FZR1: variants seen among roughly 807,000 people sequenced by gnomAD.
FZR1 encodes fizzy-related protein homolog.
FZR1 carries 11 observed loss-of-function variants against 63.6 expected under a neutral mutation model. The observed-to-expected ratio is 0.17, with a 90% CI of 0.11 to 0.29. The LOEUF (loss-of-function observed/expected upper bound fraction) is 0.29, where lower values mean the gene tolerates loss of function less well. FZR1 is among the 10% of genes least tolerant of loss of function. The probability of loss-of-function intolerance (pLI) is 1.00; values close to 1 mark genes in which losing one functional copy is unlikely to be tolerated. For synonymous variants in FZR1, 328 were observed against 297.9 expected, an observed-to-expected ratio of 1.10 and a Z score of -1.04; for missense variants, 440 against 687.5, an observed-to-expected ratio of 0.64 and a Z score of 4.03.
At chr19:3,509,555 C>T (rs56120989) in intron 1 of FZR1, among the ~76,000 whole-genome samples, 33,738 of 152,154 alleles carry the variant, frequency 0.22, 4,640 homozygotes, top group African/African-American at 0.38. Context: ...TTCACAGGCT[C>T]GGGCCGCCAT....
At position 3,534,843 on chromosome 19, in the gene FZR1, C is replaced by T. The variant is rs182941833; in HGVS notation, c.*7C>T. Reference sequence around the variant, plus strand: ...CTTCACCAGGATCCGGTAAACCTGCCGGGCAGGACCGTGCCACACCAGCTG... The same window carrying T: ...CTTCACCAGGATCCGGTAAACCTGCTGGGCAGGACCGTGCCACACCAGCTG... On this transcript the variant is annotated 3_prime_UTR_variant, in exon 14 of 14. Transcript: ENST00000441788. 6.6e-5 allele frequency: 107 copies of T among 1,610,338 alleles called. No individual in the cohort carries two copies. The African/African-American group carries it at 1.1e-3, about 17-fold the overall frequency.
chr19:3,523,326 A>G (rs1045982412), intron 2 of FZR1, among the ~76,000 whole-genome samples: 1 of 152,244 alleles, frequency 6.6e-6, no homozygotes, highest in African/African-American at 2.4e-5. Context: ...GGGCAGAGGC[A>G]CAGGGTGGCC....
intron 1 of FZR1, among the ~76,000 whole-genome samples, chr19:3,519,878 G>A (rs986818011): frequency 1.3e-5 from 2 of 152,062 alleles, no homozygotes; most frequent in African/African-American, 2.4e-5. Flanking sequence ...GTCCCGGGGG[G>A]CCCCACACCC....
intron 6 of FZR1, among the ~76,000 whole-genome samples, chr19:3,527,373 G>A (rs1235751034): frequency 2.0e-5 from 3 of 152,362 alleles, no homozygotes; most frequent in South Asian, 4.1e-4. Flanking sequence ...CAAGGGGCAG[G>A]GTAGTCAGGA....
At position 3,515,791 on chromosome 19, in the gene FZR1, A is replaced by G. The variant is rs2083054863; in HGVS notation, c.-34-7165A>G. Reference sequence around the variant, plus strand: ...TAAAAAAAAAAAAAAAAGGAATTCAAGAAGTACAAAACGAGGTGCCAGGAG... The same window carrying G: ...TAAAAAAAAAAAAAAAAGGAATTCAGGAAGTACAAAACGAGGTGCCAGGAG... On this transcript the variant is annotated intron_variant, in intron 1 of 13. Transcript: ENST00000441788. The surrounding 1 kb of genome is among the most constrained non-coding windows in gnomAD (Gnocchi z 4.6). Among the ~76,000 whole-genome samples, 1 of 150,638 alleles carries G rather than the reference A, an allele frequency of 6.6e-6. No individual in the cohort carries two copies. Among genetic ancestry groups the G allele is most frequent in the Non-Finnish European group, 1.5e-5 (1 of 67,792 alleles).
rs975184646 is a variant in FZR1 at position 3,520,787 on chromosome 19, C to T, written c.-34-2169C>T. Reference sequence around the variant, plus strand: ...TGGAGGTGGCAATCAGGCCAACCGCCTCAGTATCTCAGGACAGAGTGGTGC... The same window carrying T: ...TGGAGGTGGCAATCAGGCCAACCGCTTCAGTATCTCAGGACAGAGTGGTGC... On this transcript the variant is annotated intron_variant, in intron 1 of 13. Transcript: ENST00000441788. Among the ~76,000 whole-genome samples, 6 of 152,244 alleles carry T rather than the reference C, an allele frequency of 3.9e-5. No homozygotes were observed. The East Asian group carries it at 7.7e-4, about 20-fold the overall frequency.
In FZR1 at chr19:3,533,254, G is replaced by C; in HGVS notation, c.1243-40G>C. 3.1e-6 allele frequency: 4 copies of C among 1,276,104 alleles called. No individual in the cohort carries two copies. The highest frequency in any genetic ancestry group is 4.6e-6 in the Non-Finnish European group (4 of 875,564). The allele number at this position is 1,276,104 out of a possible 1,614,324, so 79.0% of individuals were successfully genotyped here. Reference sequence around the variant, plus strand: ...GGCAGCAGGCATAGCACCCGGCCTCGTTGCCCCTCACCGACCGCAGCGCCC... The same window carrying C: ...GGCAGCAGGCATAGCACCCGGCCTCCTTGCCCCTCACCGACCGCAGCGCCC... On this transcript the variant is annotated intron_variant, in intron 11 of 13. Coordinates refer to ENST00000441788, the MANE Select transcript of FZR1 (RefSeq NM_016263.4). This position sits in a 1 kb window ranked among gnomAD's most constrained non-coding sequence, Gnocchi z 4.9.
intron 1 of FZR1, among the ~76,000 whole-genome samples, chr19:3,512,997 C>T (rs1017434807): frequency 6.6e-6 from 1 of 152,116 alleles, no homozygotes; most frequent in Non-Finnish European, 1.5e-5. Context: ...CCTAGCCCCG[C>T]AGAGGATGGC....
chr19:3,520,540 C>T (rs1213576987), intron 1 of FZR1, among the ~76,000 whole-genome samples: 4 of 152,300 alleles, frequency 2.6e-5, no homozygotes, highest in African/African-American at 9.6e-5. Context: ...GCAGAGGGGA[C>T]ACGAGATAAG....
At chr19:3,530,676 T>C (rs942887165) in intron 7 of FZR1, 116 bp from the exon 8 acceptor site, 9 of 688,316 alleles carry the variant, frequency 1.3e-5, no homozygotes, top group East Asian at 2.9e-5. Context: ...GTGGATGAGA[T>C]TGGATGGGAG....
At position 3,533,144 on chromosome 19, in the gene FZR1, C is replaced by CAG. The variant is rs1460897420; in HGVS notation, c.1243-147_1243-146dup. ...ACACCTCCTAGACAGACTCAGGTGG[C>CAG]AGAGCCACATCCCAGCATCCCCTGC... On this transcript the variant is annotated intron_variant, in intron 11 of 13. Coordinates refer to ENST00000441788, the MANE Select transcript of FZR1 (RefSeq NM_016263.4). This position sits in a 1 kb window ranked among gnomAD's most constrained non-coding sequence, Gnocchi z 4.9. 7 of 642,912 alleles carry CAG rather than the reference C, an allele frequency of 1.1e-5. No individual in the cohort carries two copies. The South Asian group carries it at 1.2e-4, about 11-fold the overall frequency. The allele number at this position is 642,912 out of a possible 1,614,324, so 39.8% of individuals were successfully genotyped here. A position where few individuals can be genotyped will look rare whatever the true frequency, so the allele number is the denominator to read the frequency against.
intron 1 of FZR1, among the ~76,000 whole-genome samples, chr19:3,511,767 C>T (rs1188233676): frequency 4.6e-5 from 7 of 152,294 alleles, no homozygotes; most frequent in East Asian, 1.9e-4. Context: ...TAACTCGCCT[C>T]GCCATGGCTC....
In FZR1 at chr19:3,532,364, C is replaced by T. The variant is rs982105009; in HGVS notation, c.1009-53C>T. 4.2e-6 allele frequency: 6 copies of T among 1,423,598 alleles called. No individual in the cohort carries two copies. In the African/African-American group the frequency reaches 5.7e-5, roughly 14 times the overall value. 88.2% of individuals were successfully genotyped at this position (1,423,598 alleles called of 1,614,324 possible). A position where few individuals can be genotyped will look rare whatever the true frequency, so the allele number is the denominator to read the frequency against. On this transcript the variant is annotated intron_variant, in intron 10 of 13. Coordinates refer to ENST00000441788, the MANE Select transcript of FZR1 (RefSeq NM_016263.4). ...GGTCGTCACACCTGTGAGGACCGGCCTATGGGACCACAGGGCTGGGACAGC... is the reference window on the plus strand; with the variant it reads ...GGTCGTCACACCTGTGAGGACCGGCTTATGGGACCACAGGGCTGGGACAGC...
intron 7 of FZR1, among the ~76,000 whole-genome samples, chr19:3,530,408 G>A (rs1437737872): frequency 1.5e-5 from 2 of 133,744 alleles, no homozygotes; most frequent in Admixed American, 7.4e-5. Context: ...GGATGGGAGA[G>A]CGCATGGGAG....
chr19:3,515,325 C>G lies in FZR1; in HGVS notation c.-34-7631C>G, dbSNP rs2083051174. Among the ~76,000 whole-genome samples, 1 of 152,220 alleles carries G rather than the reference C, an allele frequency of 6.6e-6. No individual in the cohort carries two copies. The highest frequency in any genetic ancestry group is 6.5e-5 in the Admixed American group (1 of 15,282). On this transcript the variant is annotated intron_variant, in intron 1 of 13. Coordinates refer to ENST00000441788, the MANE Select transcript of FZR1 (RefSeq NM_016263.4). The surrounding 1 kb of genome is among the most constrained non-coding windows in gnomAD (Gnocchi z 4.6). Reference sequence around the variant, plus strand: ...ACAGCAGCTTAAGATCCTGATTTCTCTCTACTCTAACCTTTTACGATGAAA... The same window carrying G: ...ACAGCAGCTTAAGATCCTGATTTCTGTCTACTCTAACCTTTTACGATGAAA...
At chr19:3,527,922 C>G in intron 7 of FZR1, 108 bp downstream of exon 7, 1 of 782,066 alleles carries the variant, frequency 1.3e-6, no homozygotes, top group Non-Finnish European at 1.9e-6. Flanking sequence ...CAGGCGCCTG[C>G]CATGGCCCTC....
At chr19:3,527,225 C>T (rs2083169353) in intron 6 of FZR1, among the ~76,000 whole-genome samples, 163 bp downstream of exon 6, 2 of 152,192 alleles carry the variant, frequency 1.3e-5, no homozygotes, top group African/African-American at 4.8e-5. Flanking sequence ...ACTGTGTCCT[C>T]CCCCAGAGTC....
Position 3,532,316 on chromosome 19 carries a change from G to A in FZR1, c.1009-101G>A, listed in dbSNP as rs115789970. The A allele has an allele frequency of 1.3e-3, 1,224 of 940,542 alleles. 20 individuals carry two copies. The African/African-American group carries it at 0.018, about 14-fold the overall frequency. The allele number at this position is 940,542 out of a possible 1,614,324, so 58.3% of individuals were successfully genotyped here. ...GGTCCTTGAGGGAGCAGCAGGAGGAGTGTGGGGTGGGGTGCCAGGGCAGGT... is the reference window on the plus strand; with the variant it reads ...GGTCCTTGAGGGAGCAGCAGGAGGAATGTGGGGTGGGGTGCCAGGGCAGGT... On this transcript the variant is annotated intron_variant, in intron 10 of 13. Coordinates refer to ENST00000441788, the MANE Select transcript of FZR1 (RefSeq NM_016263.4).
rs1459509904 is a variant in FZR1, at chr19:3,533,641, C to T, written c.1347+243C>T. 1.2e-5 allele frequency: 6 copies of T among 502,396 alleles called. No individual in the cohort carries two copies. Among genetic ancestry groups the T allele is most frequent in the Admixed American group, 3.6e-5 (1 of 27,862 alleles). 31.1% of individuals were successfully genotyped at this position (502,396 alleles called of 1,614,324 possible). A position where few individuals can be genotyped will look rare whatever the true frequency, so the allele number is the denominator to read the frequency against. On this transcript the variant is annotated intron_variant, in intron 12 of 13. Transcript: ENST00000441788. This position sits in a 1 kb window ranked among gnomAD's most constrained non-coding sequence, Gnocchi z 4.9. Reference sequence around the variant, plus strand: ...CTGTCCTCCTGGAGGACCTTAGCTTCTTCATTTGTTTATTTTCCCCATAAA... The same window carrying T: ...CTGTCCTCCTGGAGGACCTTAGCTTTTTCATTTGTTTATTTTCCCCATAAA...
Sources: gnomAD v4.1 joint callset for allele counts (sites outside exome capture counted in the v4.1 genomes callset) on GRCh38, gnomAD v4.1.1 for gene constraint, Gnocchi (gnomAD v3.1) non-coding constraint, MANE v1.5 for transcripts, NCBI Gene and HGNC (gene_info 2026-07-23, HGNC 2026-07-21) for gene names.